The following DCDC2C variants were observed in gnomAD, a reference collection of about 807,000 sequenced individuals.
The protein encoded by DCDC2C is doublecortin domain-containing protein 2C.
In DCDC2C, 44 loss-of-function variants were observed where a neutral mutation model predicts 45.0. That is an observed-to-expected ratio of 0.98 (90% CI 0.77 to 1.26). DCDC2C has a LOEUF of 1.26. Among genes scored for constraint, DCDC2C ranks in the 50% most tolerant of loss-of-function variants. The pLI, the probability that DCDC2C is intolerant of heterozygous loss-of-function variation, is 0.00. For missense variants in DCDC2C, 447 were observed against 468.9 expected (o/e 0.95, Z 0.43); for synonymous variants, 187 against 178.8 (o/e 1.05, Z -0.37).
chr2:3,721,379 T>C (rs996357476), intron 2 of DCDC2C, among the ~76,000 whole-genome samples: 1 of 152,190 alleles, frequency 6.6e-6, no homozygotes, highest in African/African-American at 2.4e-5. Flanking sequence ...ATATGAGAGT[T>C]GATCAAAACA....
chr2:3,703,674 TG>T lies in DCDC2C; in HGVS notation c.-75del. 1.7e-6 allele frequency: 2 copies of T among 1,205,038 alleles called. No individual in the cohort carries two copies. The highest frequency in any genetic ancestry group is 2.1e-6 in the Non-Finnish European group (2 of 968,220). 74.6% of individuals were successfully genotyped at this position (1,205,038 alleles called of 1,614,324 possible). The stretch of plus-strand genomic sequence containing the variant: ...ACCTCCCGTCGGCGGTGCCCGGGCC[TG>T]GGCGCGGCTCTGCAGGCGTCGCTGC... On this transcript the variant is annotated 5_prime_UTR_variant, in exon 1 of 11. Coordinates refer to ENST00000399143, the MANE Select transcript of DCDC2C (RefSeq NM_001287444.2). The surrounding 1 kb of genome is among the most constrained non-coding windows in gnomAD (Gnocchi z 4.4).
chr2:3,819,050 G>A (rs149525426), intron 10 of DCDC2C, among the ~76,000 whole-genome samples: 3,371 of 152,274 alleles, frequency 0.022, 116 homozygotes, highest in African/African-American at 0.076. Context: ...GTAATGTGGA[G>A]TGGGTAGCCT....
intron 4 of DCDC2C, among the ~76,000 whole-genome samples, chr2:3,745,429 CT>C (rs1304158395): frequency 4.0e-5 from 6 of 151,868 alleles, no homozygotes; most frequent in Admixed American, 1.3e-4. Context: ...TATTTTTTTC[CT>C]GGACTTAAAT....
chr2:3,765,606 T>C (rs1669990954), intron 6 of DCDC2C, among the ~76,000 whole-genome samples: 1 of 152,172 alleles, frequency 6.6e-6, no homozygotes, highest in Non-Finnish European at 1.5e-5. Context: ...CGGGAAGTGA[T>C]GAGGCGTGCT....
chr2:3,815,099 C>G (rs959286933), intron 10 of DCDC2C, among the ~76,000 whole-genome samples: 3 of 152,238 alleles, frequency 2.0e-5, no homozygotes. Flanking sequence ...CAGATTCCAG[C>G]TGAGAGGCTG....
intron 4 of DCDC2C, among the ~76,000 whole-genome samples, chr2:3,746,066 A>T (rs1271104640): frequency 6.6e-6 from 1 of 152,112 alleles, no homozygotes; most frequent in Non-Finnish European, 1.5e-5. Flanking sequence ...TCTCGGTTGG[A>T]AAAAGGCGCT....
intron 10 of DCDC2C, among the ~76,000 whole-genome samples, chr2:3,842,649 A>AAG (rs1672243737): frequency 6.6e-6 from 1 of 151,678 alleles, no homozygotes; most frequent in Non-Finnish European, 1.5e-5. Context: ...AAAAAAAAAA[A>AAG]AAAAAATCAA....
At chr2:3,705,884 T>C (rs1031462014) in intron 1 of DCDC2C, among the ~76,000 whole-genome samples, 3 of 152,074 alleles carry the variant, frequency 2.0e-5, no homozygotes, top group African/African-American at 4.8e-5. Context: ...GGGAGGGGAG[T>C]TGGGGTCCGT....
At chr2:3,716,626 C>T (rs1467887072) in intron 2 of DCDC2C, among the ~76,000 whole-genome samples, 2 of 152,046 alleles carry the variant, frequency 1.3e-5, no homozygotes, top group South Asian at 2.1e-4. Context: ...ACATCATGTA[C>T]GTGATGATGG....
At chr2:3,829,722 C>A (rs550746776) in intron 10 of DCDC2C, among the ~76,000 whole-genome samples, 26 of 152,250 alleles carry the variant, frequency 1.7e-4, no homozygotes, top group African/African-American at 5.5e-4. Flanking sequence ...ATTTTCCCTG[C>A]TGTTTTTATG....
At chr2:3,769,101 G>A in intron 7 of DCDC2C, 1 of 518,946 alleles carries the variant, frequency 1.9e-6, no homozygotes, top group East Asian at 3.1e-5. Flanking sequence ...CTAAAATCGA[G>A]GCCACCACGC....
intron 10 of DCDC2C, among the ~76,000 whole-genome samples, chr2:3,839,837 T>C (rs1672165845): frequency 6.6e-6 from 1 of 152,154 alleles, no homozygotes; most frequent in Admixed American, 6.5e-5. Flanking sequence ...GGCTACTGAG[T>C]TCAGTTAACT....
intron 4 of DCDC2C, among the ~76,000 whole-genome samples, chr2:3,748,636 G>C (rs952808385): frequency 2.6e-5 from 4 of 152,184 alleles, no homozygotes; most frequent in African/African-American, 7.2e-5. Context: ...TGGAGAAACA[G>C]ACACACAATC....
chr2:3,743,365 A>G (rs970773271), intron 4 of DCDC2C, among the ~76,000 whole-genome samples: 1 of 152,232 alleles, frequency 6.6e-6, no homozygotes, highest in African/African-American at 2.4e-5. Context: ...CAGAAAGTCA[A>G]TAAGGAAACC....
intron 6 of DCDC2C, among the ~76,000 whole-genome samples, chr2:3,764,286 T>C (rs1346837332): frequency 6.6e-6 from 1 of 152,222 alleles, no homozygotes. Context: ...ATTTAGTGTT[T>C]GGGGGTTAGA....
chr2:3,769,107 C>A (rs978730396), intron 7 of DCDC2C: 5 of 531,990 alleles, frequency 9.4e-6, no homozygotes, highest in South Asian at 2.4e-5. Flanking sequence ...TCGAGGCCAC[C>A]ACGCTGAGCA....
Position 3,769,423 on chromosome 2 carries a change from G to A in DCDC2C, c.954+12G>A, listed in dbSNP as rs1670103377. The A allele has an allele frequency of 6.5e-7, 1 of 1,549,162 alleles. No individual in the cohort carries two copies. ...TGCCTGTGGACCAGGTGGGTGTCCG[G>A]GGTCCGATGTCCATGCCGTCTTCAC... is the stretch of plus-strand genomic sequence containing the variant. On this transcript the variant is annotated intron_variant, in intron 8 of 10. Transcript: ENST00000399143.
At chr2:3,787,602 C>T (rs1381286780) in intron 10 of DCDC2C, among the ~76,000 whole-genome samples, 1 of 152,186 alleles carries the variant, frequency 6.6e-6, no homozygotes, top group African/African-American at 2.4e-5. Context: ...GAAATTTTCT[C>T]CTTTGATACC....
chr2:3,732,009 A>G (rs1189704482), intron 3 of DCDC2C, among the ~76,000 whole-genome samples: 3 of 152,130 alleles, frequency 2.0e-5, no homozygotes, highest in Non-Finnish European at 4.4e-5. Flanking sequence ...GTGCAAACCC[A>G]GGAATTCACC....
Sources: gnomAD v4.1 joint callset for allele counts (sites outside exome capture counted in the v4.1 genomes callset) on GRCh38, gnomAD v4.1.1 for gene constraint, Gnocchi (gnomAD v3.1) non-coding constraint, MANE v1.5 for transcripts, NCBI Gene and HGNC (gene_info 2026-07-23, HGNC 2026-07-21) for gene names.